Variants in CACNA1C observed in about 807,000 individuals in gnomAD.
The protein encoded by CACNA1C is voltage-dependent L-type calcium channel subunit alpha-1C.
Under a neutral mutation model 229.0 loss-of-function variants are expected in CACNA1C, and 30 were observed. The observed-to-expected ratio is 0.13, with a 90% confidence interval of 0.10 to 0.18. CACNA1C has a LOEUF of 0.18. Among genes scored for constraint, CACNA1C ranks in the 10% least tolerant of loss-of-function variants. The pLI, the probability that CACNA1C is intolerant of heterozygous loss-of-function variation, is 1.00. For synonymous variants in CACNA1C, 1,114 were observed against 1,132.5 expected (o/e 0.98, Z 0.33); for missense variants, 1,658 against 2,845.0 (o/e 0.58, Z 9.49).
At chr12:2,611,247 T>G (rs1602032639) in intron 28 of CACNA1C, among the ~76,000 whole-genome samples, 2 of 101,298 alleles carry the variant, frequency 2.0e-5, no homozygotes, top group African/African-American at 4.0e-5. Flanking sequence ...GGGGAGGAGA[T>G]GGAGAAGGGA....
At chr12:1,993,315 C>G (rs1379953446) in intron 1 of CACNA1C, 1 of 1,614,100 alleles carries the variant, frequency 6.2e-7, no homozygotes, top group East Asian at 2.2e-5. Flanking sequence ...AAATCCAAGT[C>G]TTTAGTAATA....
At chr12:2,577,596 G>A (rs2058887456) in intron 13 of CACNA1C, among the ~76,000 whole-genome samples, 1 of 152,226 alleles carries the variant, frequency 6.6e-6, no homozygotes, top group Non-Finnish European at 1.5e-5. Flanking sequence ...GTTTGGCAAA[G>A]TGTGTTCAAC....
At chr12:2,638,298 A>G (rs1254222989) in intron 30 of CACNA1C, among the ~76,000 whole-genome samples, 1 of 152,238 alleles carries the variant, frequency 6.6e-6, no homozygotes, top group Non-Finnish European at 1.5e-5. Context: ...AGGAGGTGAC[A>G]GTTGAACAAA....
chr12:2,535,728 A>AAAAAAACCT (rs2099852982), intron 9 of CACNA1C, among the ~76,000 whole-genome samples: 1 of 141,734 alleles, frequency 7.1e-6, no homozygotes, highest in East Asian at 2.0e-4. Flanking sequence ...AAAAAAAAAA[A>AAAAAAACCT]AAAAACCTAA....
chr12:2,264,305 T>C (rs927635103), intron 3 of CACNA1C, among the ~76,000 whole-genome samples: 2 of 152,234 alleles, frequency 1.3e-5, no homozygotes, highest in Non-Finnish European at 2.9e-5. Flanking sequence ...CTGGCTCTGT[T>C]GTTCCCTTGG....
intron 3 of CACNA1C, among the ~76,000 whole-genome samples, chr12:2,144,057 G>T (rs2094503833): frequency 6.6e-6 from 1 of 151,388 alleles, no homozygotes; most frequent in Non-Finnish European, 1.5e-5. Flanking sequence ...ACTGATCCCT[G>T]CTCTGTTGCT....
At chr12:2,096,101 A>G (rs933132637) in intron 1 of CACNA1C, among the ~76,000 whole-genome samples, 3 of 152,146 alleles carry the variant, frequency 2.0e-5, no homozygotes, top group Non-Finnish European at 4.4e-5. Flanking sequence ...GACAGGACTG[A>G]AACTGTGCAG....
rs1190366951 is a variant in CACNA1C, at chr12:2,504,222, C to T, written c.1114-620C>T. On this transcript the variant is annotated intron_variant, in intron 7 of 46. Transcript: ENST00000399655. This position sits in a 1 kb window ranked among gnomAD's most constrained non-coding sequence, Gnocchi z 6.8. ...AAAACCACAGAGAGACAGAGTGATT[C>T]CTCTTGAGGCAGAGCGGGCCGAGGT... Among the ~76,000 whole-genome samples the T allele has an allele frequency of 6.6e-6, 1 of 152,158 alleles. No homozygotes were observed. The highest frequency in any genetic ancestry group is 1.5e-5 in the Non-Finnish European group (1 of 68,026).
chr12:2,194,256 TC>T (rs2097332882), intron 3 of CACNA1C, among the ~76,000 whole-genome samples: 1 of 63,156 alleles, frequency 1.6e-5, no homozygotes, highest in African/African-American at 4.7e-5. Flanking sequence ...CACTGCCTCC[TC>T]CTCCTCCTCC....
intron 1 of CACNA1C, among the ~76,000 whole-genome samples, chr12:2,009,993 A>G (rs2154482074): frequency 6.6e-6 from 1 of 152,318 alleles, no homozygotes; most frequent in South Asian, 2.1e-4. Context: ...AAAAAACCCA[A>G]AAAACTATTA....
intron 4 of CACNA1C, among the ~76,000 whole-genome samples, chr12:2,454,148 C>T (rs1314382738): frequency 6.6e-6 from 1 of 152,188 alleles, no homozygotes. Context: ...TTCTGCAGAC[C>T]TTTGAGTCAC....
intron 34 of CACNA1C, among the ~76,000 whole-genome samples, chr12:2,662,714 G>A (rs1051773228): frequency 2.6e-5 from 4 of 152,192 alleles, no homozygotes; most frequent in Non-Finnish European, 5.9e-5. Context: ...CAGGACTCCT[G>A]CACTGTGAGA....
intron 3 of CACNA1C, among the ~76,000 whole-genome samples, chr12:2,150,501 G>A (rs921825474): frequency 3.3e-5 from 5 of 152,136 alleles, no homozygotes; most frequent in East Asian, 3.9e-4. Flanking sequence ...ATGATATTCC[G>A]CCCTCTTAAT....
rs79331677 is a variant in CACNA1C at position 2,550,776 on chromosome 12, C to T, written c.1481+743C>T. ...CTGGGCAAGCGCAGCCCTTTCACAA[C>T]GCTGAGCTGTGGAAGAGTCTAAACA... On this transcript the variant is annotated intron_variant, in intron 10 of 46. Coordinates refer to ENST00000399655, the MANE Select transcript of CACNA1C (RefSeq NM_000719.7). The T allele has an allele frequency of 0.095, 78,803 of 831,034 alleles. 4,059 individuals are homozygous for T. The highest frequency in any genetic ancestry group is 0.1 in the Non-Finnish European group (61,268 of 590,570). The allele number at this position is 831,034 out of a possible 1,614,324, so 51.5% of individuals were successfully genotyped here. A position where few individuals can be genotyped will look rare whatever the true frequency, so the allele number is the denominator to read the frequency against.
At chr12:2,438,942 A>G (rs1224515488) in intron 3 of CACNA1C, among the ~76,000 whole-genome samples, 3 of 152,104 alleles carry the variant, frequency 2.0e-5, no homozygotes, top group African/African-American at 4.8e-5. Flanking sequence ...CCCATTTGGG[A>G]AATTACATGC....
intron 9 of CACNA1C, among the ~76,000 whole-genome samples, chr12:2,526,246 G>A (rs906263541): frequency 3.9e-5 from 6 of 152,190 alleles, no homozygotes; most frequent in Non-Finnish European, 5.9e-5. Context: ...CTCATTCCCT[G>A]GGCTTAATCA....
intron 3 of CACNA1C, among the ~76,000 whole-genome samples, chr12:2,195,288 G>A (rs1159877689): frequency 3.9e-5 from 6 of 152,174 alleles, no homozygotes; most frequent in Non-Finnish European, 8.8e-5. Flanking sequence ...GCCCCTCCCT[G>A]TGGAAGGAGG....
intron 3 of CACNA1C, among the ~76,000 whole-genome samples, chr12:2,168,712 C>T (rs1281653398): frequency 1.3e-5 from 2 of 151,888 alleles, no homozygotes; most frequent in Admixed American, 1.3e-4. Flanking sequence ...TTTTTTCAGT[C>T]CTCAGAGAGG....
chr12:2,004,453 G>T (rs1487767083), intron 1 of CACNA1C: 1 of 1,594,810 alleles, frequency 6.3e-7, no homozygotes, highest in Non-Finnish European at 8.5e-7. Flanking sequence ...CCCAGACATA[G>T]GCACGGGGCT....
Sources: gnomAD v4.1 joint callset for allele counts (sites outside exome capture counted in the v4.1 genomes callset) on GRCh38, gnomAD v4.1.1 for gene constraint, Gnocchi (gnomAD v3.1) non-coding constraint, MANE v1.5 for transcripts, NCBI Gene and HGNC (gene_info 2026-07-23, HGNC 2026-07-21) for gene names.